The following CNTN1 variants were observed in gnomAD, a reference collection of about 807,000 sequenced individuals.
CNTN1 encodes the protein contactin 1.
In CNTN1, 38 loss-of-function variants were observed where a neutral mutation model predicts 126.4. The observed-to-expected ratio is 0.30, with a 90% confidence interval of 0.23 to 0.39. The LOEUF (loss-of-function observed/expected upper bound fraction) is 0.39, where lower values mean the gene tolerates loss of function less well. CNTN1 is among the 10% of genes least tolerant of loss of function. The pLI, the probability that CNTN1 is intolerant of heterozygous loss-of-function variation, is 1.00. For missense variants in CNTN1, 1,009 were observed against 1,248.4 expected (o/e 0.81, Z 2.89); for synonymous variants, 413 against 422.6 (o/e 0.98, Z 0.28).
intron 1 of CNTN1, among the ~76,000 whole-genome samples, chr12:40,798,790 A>T (rs1940539728): frequency 6.6e-6 from 1 of 151,922 alleles, no homozygotes; most frequent in African/African-American, 2.4e-5. Context: ...ATTAATGAGT[A>T]CTAGGCTTAA....
intron 1 of CNTN1, among the ~76,000 whole-genome samples, chr12:40,801,119 C>T (rs1940636123): frequency 6.6e-6 from 1 of 151,306 alleles, no homozygotes; most frequent in African/African-American, 2.4e-5. Context: ...AACAAATACC[C>T]TTAGCCAAAG....
intron 1 of CNTN1, among the ~76,000 whole-genome samples, chr12:40,721,149 C>T (rs1431748116): frequency 6.6e-6 from 1 of 152,082 alleles, no homozygotes; most frequent in Non-Finnish European, 1.5e-5. Context: ...TCACACTTAT[C>T]TAGACATCTC....
At chr12:40,797,900 G>A (rs1197545582) in intron 1 of CNTN1, among the ~76,000 whole-genome samples, 1 of 152,018 alleles carries the variant, frequency 6.6e-6, no homozygotes, top group Non-Finnish European at 1.5e-5. Context: ...AGGGAGAACT[G>A]GAAGATGATC....
chr12:40,962,533 C>T (rs1027285721), intron 15 of CNTN1, among the ~76,000 whole-genome samples: 2 of 152,072 alleles, frequency 1.3e-5, no homozygotes, highest in Admixed American at 1.3e-4. Flanking sequence ...AGAGAAAACA[C>T]TCCCGCTGTG....
At chr12:41,068,484 G>C (rs138944766) in intron 23 of CNTN1, among the ~76,000 whole-genome samples, 1 of 152,016 alleles carries the variant, frequency 6.6e-6, no homozygotes, top group Non-Finnish European at 1.5e-5. Flanking sequence ...ATCTGTATCC[G>C]ATAAAGCTTT....
intron 16 of CNTN1, among the ~76,000 whole-genome samples, chr12:40,986,492 G>A (rs1192304306): frequency 2.0e-5 from 3 of 152,140 alleles, no homozygotes; most frequent in Non-Finnish European, 4.4e-5. Flanking sequence ...AGTGTCTGGA[G>A]GTTTTCCTGT....
intron 1 of CNTN1, among the ~76,000 whole-genome samples, chr12:40,885,111 T>C (rs547132950): frequency 6.6e-6 from 1 of 151,894 alleles, no homozygotes; most frequent in South Asian, 2.1e-4. Flanking sequence ...CTTTCACAAA[T>C]AGAGGATGCA....
chr12:40,746,548 A>G (rs540510921), intron 1 of CNTN1, among the ~76,000 whole-genome samples: 2 of 152,198 alleles, frequency 1.3e-5, no homozygotes, highest in South Asian at 4.1e-4. Context: ...AAGAGGCCCA[A>G]TAGGTAACTT....
intron 22 of CNTN1, 125 bp downstream of exon 22, chr12:41,028,094 C>A: frequency 1.4e-6 from 1 of 693,038 alleles, no homozygotes; most frequent in Non-Finnish European, 2.6e-6. Context: ...TGCAGTGGTA[C>A]AATCTTGGCT....
intron 14 of CNTN1, among the ~76,000 whole-genome samples, chr12:40,945,875 T>A (rs1467293424): frequency 6.6e-6 from 1 of 152,018 alleles, no homozygotes; most frequent in Non-Finnish European, 1.5e-5. Flanking sequence ...TAGTTACCCC[T>A]CCAGCTAATC....
At chr12:40,995,921 T>C (rs756112487) in intron 17 of CNTN1, among the ~76,000 whole-genome samples, 2 of 152,170 alleles carry the variant, frequency 1.3e-5, no homozygotes, top group Non-Finnish European at 2.9e-5. Context: ...ACAATAACTT[T>C]ATGAAACAGA....
At chr12:40,762,772 G>A (rs973849769) in intron 1 of CNTN1, among the ~76,000 whole-genome samples, 2 of 152,112 alleles carry the variant, frequency 1.3e-5, no homozygotes, top group African/African-American at 2.4e-5. Flanking sequence ...CTTTTCTTTT[G>A]TGGCTTACAT....
intron 6 of CNTN1, among the ~76,000 whole-genome samples, chr12:40,928,954 T>C (rs10879365): frequency 0.17 from 25,345 of 151,914 alleles, 2,096 homozygotes; most frequent in Middle Eastern, 0.2. Flanking sequence ...TTCCCACTTA[T>C]ATTCTTCCCA....
chr12:40,895,442 G>A (rs989546442), intron 1 of CNTN1, among the ~76,000 whole-genome samples: 2 of 152,148 alleles, frequency 1.3e-5, no homozygotes, highest in Admixed American at 6.5e-5. Context: ...TCTGGTGAGA[G>A]CCTCCTTGCT....
At chr12:40,830,067 A>G (rs1399174983) in intron 1 of CNTN1, among the ~76,000 whole-genome samples, 1 of 152,158 alleles carries the variant, frequency 6.6e-6, no homozygotes, top group Non-Finnish European at 1.5e-5. Flanking sequence ...GTGTATAAAC[A>G]AAGGGATTCA....
chr12:40,821,855 C>T (rs1014901179), intron 1 of CNTN1, among the ~76,000 whole-genome samples: 4 of 151,732 alleles, frequency 2.6e-5, no homozygotes, highest in Non-Finnish European at 5.9e-5. Context: ...GAAATAGAAA[C>T]TGAAGAAAGG....
At chr12:41,022,020 C>CA (rs1417512859) in intron 20 of CNTN1, among the ~76,000 whole-genome samples, 2 of 148,912 alleles carry the variant, frequency 1.3e-5, no homozygotes, top group African/African-American at 4.9e-5. Flanking sequence ...ATCATTGAGT[C>CA]AAAATGCCAA....
chr12:41,061,728 A>G, intron 23 of CNTN1: 1 of 451,624 alleles, frequency 2.2e-6, no homozygotes, highest in South Asian at 1.6e-5. Flanking sequence ...TAGGAACCTT[A>G]AAACTTATAA....
chr12:40,922,127 C>A, intron 4 of CNTN1, 129 bp from the exon 5 acceptor site: 1 of 765,842 alleles, frequency 1.3e-6, no homozygotes, highest in Non-Finnish European at 2.3e-6. Flanking sequence ...AGAAATACCA[C>A]CTGAATCATA....
Sources: gnomAD v4.1 joint callset for allele counts (sites outside exome capture counted in the v4.1 genomes callset) on GRCh38, gnomAD v4.1.1 for gene constraint, MANE v1.5 for transcripts, NCBI Gene and HGNC (gene_info 2026-07-23, HGNC 2026-07-21) for gene names.